The following SH3TC2 variants were observed in gnomAD, a reference collection of about 807,000 sequenced individuals.
The protein encoded by SH3TC2 is SH3 domain and tetratricopeptide repeat-containing protein 2.
In SH3TC2, 87 loss-of-function variants were observed where a neutral mutation model predicts 124.5. The ratio of observed to expected loss-of-function variants is 0.70; its 90% CI spans 0.59 to 0.84. The LOEUF is 0.84. Among genes scored for constraint, SH3TC2 ranks in the 40% least tolerant of loss-of-function variants. The pLI is 0.00. For missense variants in SH3TC2, 1,536 were observed against 1,566.4 expected, an observed-to-expected ratio of 0.98 and a Z score of 0.33; for synonymous variants, 634 against 628.5, an observed-to-expected ratio of 1.01 and a Z score of -0.13.
rs942206341 is a variant in SH3TC2, at chr5:148,995,323, G to T, written c.*9388C>A. ...AAACCTTGATTCTATCACCTGAAAA[G>T]GGGAGATAAGGTCACCTTCTTTGGA... On this transcript the variant is annotated 3_prime_UTR_variant, in exon 17 of 17. Coordinates refer to ENST00000515425, the MANE Select transcript of SH3TC2 (RefSeq NM_024577.4). Among the ~76,000 whole-genome samples the T allele has an allele frequency of 3.9e-5, 6 of 152,170 alleles. No individual in the cohort carries two copies. Among genetic ancestry groups the T allele is most frequent in the African/African-American group, 1.4e-4 (6 of 41,444 alleles).
intron 13 of SH3TC2, 147 bp downstream of exon 13, chr5:149,012,437 A>G: frequency 1.9e-6 from 2 of 1,048,468 alleles, no homozygotes; most frequent in Non-Finnish European, 2.8e-6. Flanking sequence ...CCATGTGTTC[A>G]GGGAGCAGCC....
intron 12 of SH3TC2, among the ~76,000 whole-genome samples, chr5:149,023,959 G>C (rs924067277): frequency 6.6e-6 from 1 of 152,098 alleles, no homozygotes; most frequent in Non-Finnish European, 1.5e-5. Context: ...TATGTAATTT[G>C]GTTCTTTATC....
intron 12 of SH3TC2, among the ~76,000 whole-genome samples, chr5:149,020,177 A>T (rs1767543386): frequency 6.6e-6 from 1 of 151,898 alleles, no homozygotes; most frequent in South Asian, 2.1e-4. Flanking sequence ...GTCCATAAAA[A>T]GTTTTAAAAG....
At chr5:149,062,619 G>A (rs1754772307) in intron 1 of SH3TC2, among the ~76,000 whole-genome samples, 1 of 152,166 alleles carries the variant, frequency 6.6e-6, no homozygotes, top group African/African-American at 2.4e-5. Context: ...AGGCCACAGA[G>A]GAACTCACTG....
Position 149,036,303 on chromosome 5 carries a change from A to G in SH3TC2, c.1001+1992T>C, listed in dbSNP as rs77950929. ...GCTTCCAGAAGACCTACCAATGGCC[A>G]GTCCCAAAGGCCTTTCTTTCCTCAC... is the stretch of plus-strand genomic sequence containing the variant. On this transcript the variant is annotated intron_variant, in intron 8 of 16. Transcript: ENST00000515425. Among the ~76,000 whole-genome samples the G allele has an allele frequency of 1.0e-2, 1,520 of 152,248 alleles. 16 individuals are homozygous for G. The highest frequency in any genetic ancestry group is 0.02 in the Middle Eastern group (6 of 294).
rs1753396877 is a variant in SH3TC2 at position 148,990,011 on chromosome 5, T to C, written c.*14700A>G. Among the ~76,000 whole-genome samples, 1 of 151,934 alleles carries C rather than the reference T, an allele frequency of 6.6e-6. No homozygotes were observed. The highest frequency in any genetic ancestry group is 2.4e-5 in the African/African-American group (1 of 41,332). On this transcript the variant is annotated 3_prime_UTR_variant, in exon 17 of 17. Coordinates refer to ENST00000515425, the MANE Select transcript of SH3TC2 (RefSeq NM_024577.4). ...GTGGGGGCTGCTTCTTTTCTAGGAG[T>C]CATTTCCAAGCAACCTCTCCTCTCA...
At chr5:149,057,053 A>G (rs1754660842) in intron 1 of SH3TC2, among the ~76,000 whole-genome samples, 1 of 152,178 alleles carries the variant, frequency 6.6e-6, no homozygotes, top group South Asian at 2.1e-4. Flanking sequence ...ACATTTAAAT[A>G]TTATTTAACT....
chr5:148,982,983 A>G lies in SH3TC2; in HGVS notation c.*21728T>C, dbSNP rs142485824. 4.7e-4 allele frequency among the ~76,000 whole-genome samples: 72 copies of G among 152,324 alleles called. No individual in the cohort carries two copies. The East Asian group carries it at 0.013, about 28-fold the overall frequency. ...TGTTGGTCTCAGGCCCAGCTCTGAC[A>G]TTGACATTGGCATTGACATTGATGC... On this transcript the variant is annotated 3_prime_UTR_variant, in exon 17 of 17. Transcript: ENST00000515425.
intron 12 of SH3TC2, among the ~76,000 whole-genome samples, chr5:149,024,575 CA>C (rs1414933403): frequency 6.6e-6 from 1 of 152,190 alleles, no homozygotes; most frequent in East Asian, 1.9e-4. Flanking sequence ...GTATCTGATT[CA>C]ACTTATCTTT....
In SH3TC2 at chr5:148,992,188, A is replaced by T. The variant is rs894377852; in HGVS notation, c.*12523T>A. Among the ~76,000 whole-genome samples the T allele has an allele frequency of 3.3e-5, 5 of 152,248 alleles. No individual in the cohort carries two copies. Among genetic ancestry groups the T allele is most frequent in the Non-Finnish European group, 5.9e-5 (4 of 68,036 alleles). ...GATATCATTAATACTTCCATATTAC[A>T]GATGCAGAAATGGAGGCCCAGAATG... On this transcript the variant is annotated 3_prime_UTR_variant, in exon 17 of 17. Transcript: ENST00000515425.
intron 3 of SH3TC2, chr5:149,046,011 A>T (rs1184715535): frequency 5.0e-6 from 2 of 402,874 alleles, no homozygotes; most frequent in Admixed American, 5.9e-5. Flanking sequence ...TTTTCCCTTA[A>T]ATCTGTTGTT....
chr5:149,027,345 A>T lies in SH3TC2; in HGVS notation c.2387T>A (p.Phe796Tyr), dbSNP rs760059647. ...LGQLLGEQES[F>Y]ESSLCLAWAY... Reference sequence around the variant, plus strand: ...CCATGCCAGGCAGAGAGAAGACTCAAAGGATTCCTGCTCACCCAGCAGCTG... The same window carrying T: ...CCATGCCAGGCAGAGAGAAGACTCATAGGATTCCTGCTCACCCAGCAGCTG... The change falls in exon 11 of 17, where the codon TTT becomes TAT. Residue 796 changes from phenylalanine (F) to tyrosine (Y), a missense_variant. Physicochemically the swap from Phe to Tyr is conservative, Grantham distance 22 (BLOSUM62 3). Transcript: ENST00000515425. 6.2e-7 allele frequency: 1 copy of T among 1,614,020 alleles called. No individual in the cohort carries two copies. The highest frequency in any genetic ancestry group is 1.1e-5 in the South Asian group (1 of 91,088).
intron 8 of SH3TC2, chr5:149,034,523 G>C: frequency 2.5e-6 from 1 of 401,910 alleles, no homozygotes; most frequent in South Asian, 1.9e-5. Flanking sequence ...ACCAAGTCCT[G>C]AGCAAAATAA....
rs1205847384 is a variant in SH3TC2, at chr5:149,026,752, C to T, written c.2873G>A (p.Ser958Asn). Residue 958 changes from serine (S) to asparagine (N), a missense_variant and splice_region_variant, in exon 12 of 17, where the codon AGT becomes AAT. Ser to Asn is a conservative substitution (Grantham distance 46, BLOSUM62 1). This residue lies in a region of SH3TC2 where 426 missense variants were observed against 443.5 expected (regional missense o/e 0.96). Transcript: ENST00000515425. ...LFGLRHRHLK[S>N]QLQATKSLCH... ...GAGGGATTTGGTGGCCTGAAGCTGACCTGAACACAAAGCAGGGACATGAAT... is the reference window on the plus strand; with the variant it reads ...GAGGGATTTGGTGGCCTGAAGCTGATCTGAACACAAAGCAGGGACATGAAT... 2 of 1,614,130 alleles carry T rather than the reference C, an allele frequency of 1.2e-6. No homozygotes were observed. Among genetic ancestry groups the T allele is most frequent in the Non-Finnish European group, 1.7e-6 (2 of 1,180,024 alleles).
At chr5:149,023,245 T>G (rs1031962178) in intron 12 of SH3TC2, among the ~76,000 whole-genome samples, 14 of 152,188 alleles carry the variant, frequency 9.2e-5, no homozygotes, top group Non-Finnish European at 1.5e-4. Flanking sequence ...CCACAGTGCC[T>G]GACACAATGG....
chr5:149,062,150 G>T (rs36048), intron 1 of SH3TC2, among the ~76,000 whole-genome samples: 1 of 151,844 alleles, frequency 6.6e-6, no homozygotes, highest in African/African-American at 2.4e-5. Context: ...TTCTAACAAG[G>T]GTTAGGAATG....
At chr5:149,031,843 T>C (rs925411440) in intron 8 of SH3TC2, among the ~76,000 whole-genome samples, 156 bp from the exon 9 acceptor site, 6 of 152,192 alleles carry the variant, frequency 3.9e-5, no homozygotes, top group Non-Finnish European at 7.3e-5. Context: ...CATTGCATAC[T>C]GTATTTATAC....
At chr5:149,040,551 A>G in intron 7 of SH3TC2, 53 bp downstream of exon 7, 2 of 1,502,650 alleles carry the variant, frequency 1.3e-6, no homozygotes, top group East Asian at 2.3e-5. Flanking sequence ...TAAAATTGAG[A>G]GGCAGGACAA....
intron 12 of SH3TC2, among the ~76,000 whole-genome samples, chr5:149,014,599 T>G (rs1753839707): frequency 6.6e-6 from 1 of 152,170 alleles, no homozygotes; most frequent in Non-Finnish European, 1.5e-5. Flanking sequence ...AGCTTTCTCT[T>G]CCTCCCTGCT....
Sources: gnomAD v4.1 joint callset for allele counts (sites outside exome capture counted in the v4.1 genomes callset) on GRCh38, gnomAD v4.1.1 for gene constraint, gnomAD v4.1.1 regional missense constraint, MANE v1.5 for transcripts, NCBI Gene and HGNC (gene_info 2026-07-23, HGNC 2026-07-21) for gene names.